The following POLR3F variants were observed in gnomAD, a reference collection of about 807,000 sequenced individuals.
The protein encoded by POLR3F is DNA-directed RNA polymerase III subunit RPC6.
POLR3F carries 31 observed loss-of-function variants against 43.6 expected under a neutral mutation model. The observed-to-expected ratio is 0.71, with a 90% CI of 0.53 to 0.96. POLR3F has a LOEUF of 0.96. POLR3F is among the 40% of genes least tolerant of loss of function. The pLI is 0.00. For missense variants in POLR3F, 316 were observed against 391.7 expected (o/e 0.81, Z 1.63); for synonymous variants, 114 against 132.5 (o/e 0.86, Z 0.96).
At chr20:18,480,548 CT>C (rs1568581762) in intron 7 of POLR3F, 39 bp downstream of exon 7, 1 of 1,167,192 alleles carries the variant, frequency 8.6e-7, no homozygotes, top group South Asian at 1.3e-5. Flanking sequence ...AAAACTTATT[CT>C]TTGTCACATA....
intron 5 of POLR3F, among the ~76,000 whole-genome samples, chr20:18,477,577 G>A (rs1209702448): frequency 6.6e-6 from 1 of 152,142 alleles, no homozygotes; most frequent in Non-Finnish European, 1.5e-5. Flanking sequence ...ATAGGTGAAT[G>A]GATAGACAAA....
At chr20:18,476,219 A>G (rs543848109) in intron 5 of POLR3F, among the ~76,000 whole-genome samples, 104 of 152,294 alleles carry the variant, frequency 6.8e-4, no homozygotes, top group Non-Finnish European at 1.1e-3. Flanking sequence ...GAACATTTTC[A>G]TCACCCCCAA....
At chr20:18,476,389 C>A (rs1467270531) in intron 5 of POLR3F, among the ~76,000 whole-genome samples, 1 of 152,204 alleles carries the variant, frequency 6.6e-6, no homozygotes, top group Non-Finnish European at 1.5e-5. Flanking sequence ...TTTGACTTAG[C>A]ATGATGTTTT....
chr20:18,478,676 G>T (rs1010838630), intron 5 of POLR3F, among the ~76,000 whole-genome samples: 3 of 152,104 alleles, frequency 2.0e-5, no homozygotes, highest in Admixed American at 2.0e-4. Context: ...AATATAGATG[G>T]TTATATTTAG....
chr20:18,468,327 G>T (rs2059716657), intron 1 of POLR3F, among the ~76,000 whole-genome samples: 1 of 152,046 alleles, frequency 6.6e-6, no homozygotes, highest in Non-Finnish European at 1.5e-5. Context: ...CGCCCGCCTC[G>T]GCCTCCCAAA....
chr20:18,470,751 G>T (rs915575736), intron 2 of POLR3F: 2 of 153,290 alleles, frequency 1.3e-5, no homozygotes, highest in African/African-American at 4.8e-5. Flanking sequence ...CACCCACTGC[G>T]AGTCCTATTG....
intron 5 of POLR3F, among the ~76,000 whole-genome samples, chr20:18,477,714 A>G (rs1973149430): frequency 6.6e-6 from 1 of 152,260 alleles, no homozygotes; most frequent in Non-Finnish European, 1.5e-5. Flanking sequence ...TTACAACTAT[A>G]TGACATACTG....
In POLR3F at chr20:18,480,463, C is replaced by T. The variant is rs772935767; in HGVS notation, c.635C>T (p.Ser212Leu). Residue 212 changes from serine (S) to leucine (L), a missense_variant, in exon 7 of 9, where the codon TCA becomes TTA. By Grantham distance (145) the Ser-to-Leu change is moderately radical. This residue lies in a region of POLR3F where 109 missense variants were observed against 177.7 expected (regional missense o/e 0.61). Transcript: ENST00000377603. ...ATACAAAGAAATAGTTCATTTGCCT[C>T]ATCACATGAAGTGTGGAAATATATC... ...PMIQRNSSFA[S>L]SHEVWKYICE... 1.9e-6 allele frequency: 3 copies of T among 1,610,988 alleles called. No homozygotes were observed. Among genetic ancestry groups the T allele is most frequent in the African/African-American group, 1.3e-5 (1 of 74,886 alleles).
intron 2 of POLR3F, chr20:18,470,520 AT>A (rs1430445142): frequency 5.2e-5 from 8 of 154,848 alleles, no homozygotes; most frequent in African/African-American, 1.9e-4. Flanking sequence ...TGTGGAGCAG[AT>A]TGCTCACCCC....
At chr20:18,470,932 A>G (rs2059746521) in intron 2 of POLR3F, among the ~76,000 whole-genome samples, 1 of 152,188 alleles carries the variant, frequency 6.6e-6, no homozygotes. Flanking sequence ...GTTCAGGCTC[A>G]TGGCTTTTAC....
chr20:18,467,531 C>T lies in POLR3F; in HGVS notation c.25C>T (p.Gln9Ter), dbSNP rs2059698809. The change falls in exon 1 of 9, where the codon CAG (glutamine) becomes TAG (stop). Residue 9 changes from glutamine (Q) to a stop codon, truncating the protein, a stop_gained. Coordinates refer to ENST00000377603, the MANE Select transcript of POLR3F (RefSeq NM_006466.4). LOFTEE classifies it high-confidence loss of function. Reference protein sequence around the residue: MAEVKVKVQPPDADPVEIE... With the variant: MAEVKVKV ...CATGGCGGAGGTGAAGGTGAAGGTG[C>T]AGCCGCCTGACGCGGATCCGGTCGA... 14 of 1,614,236 alleles carry T rather than the reference C, an allele frequency of 8.7e-6. No homozygotes were observed. Among genetic ancestry groups the T allele is most frequent in the Non-Finnish European group, 1.2e-5 (14 of 1,180,014 alleles).
rs1326289499 is a variant in POLR3F at position 18,483,736 on chromosome 20, A to T, written c.*178A>T. The T allele has an allele frequency of 2.3e-6, 1 of 430,848 alleles. No individual in the cohort carries two copies. 26.7% of individuals were successfully genotyped at this position (430,848 alleles called of 1,614,324 possible). A position where few individuals can be genotyped will look rare whatever the true frequency, so the allele number is the denominator to read the frequency against. ...TGAAGACTAAATTTATATTGGTAAA[A>T]TAGCCAGTAGAATATGAAAGAAATA... On this transcript the variant is annotated 3_prime_UTR_variant, in exon 9 of 9. Coordinates refer to ENST00000377603, the MANE Select transcript of POLR3F (RefSeq NM_006466.4).
intron 5 of POLR3F, among the ~76,000 whole-genome samples, chr20:18,475,741 C>G (rs191509190): frequency 6.7e-4 from 102 of 152,288 alleles, no homozygotes; most frequent in African/African-American, 2.2e-3. Context: ...CTTCAATACA[C>G]ATTTCATAAG....
intron 2 of POLR3F, among the ~76,000 whole-genome samples, chr20:18,471,051 C>G (rs1161551842): frequency 1.3e-5 from 2 of 152,080 alleles, no homozygotes; most frequent in Non-Finnish European, 2.9e-5. Context: ...GGCCCCTGAT[C>G]TGTCTTAAAT....
At chr20:18,475,637 C>T (rs2059776084) in intron 5 of POLR3F, among the ~76,000 whole-genome samples, 1 of 152,154 alleles carries the variant, frequency 6.6e-6, no homozygotes, top group African/African-American at 2.4e-5. Flanking sequence ...CCTGCCCCAC[C>T]CCTGCTCCAG....
chr20:18,476,272 G>A (rs2059779783), intron 5 of POLR3F, among the ~76,000 whole-genome samples: 1 of 152,044 alleles, frequency 6.6e-6, no homozygotes. Flanking sequence ...CTTTCCATAG[G>A]CCCTAAAAAC....
intron 2 of POLR3F, 61 bp downstream of exon 2, chr20:18,469,122 T>A (rs1229717339): frequency 2.5e-6 from 2 of 806,610 alleles, no homozygotes; most frequent in African/African-American, 3.4e-5. Flanking sequence ...TGGTTTTTAT[T>A]ATGTAGTTGT....
chr20:18,472,604 G>A (rs2059759524), intron 2 of POLR3F, among the ~76,000 whole-genome samples: 1 of 151,402 alleles, frequency 6.6e-6, no homozygotes, highest in Non-Finnish European at 1.5e-5. Flanking sequence ...GATTTATATT[G>A]ATTTTTAATA....
intron 2 of POLR3F, among the ~76,000 whole-genome samples, chr20:18,469,804 C>T (rs371396428): frequency 9.2e-5 from 14 of 152,218 alleles, no homozygotes; most frequent in East Asian, 3.8e-4. Flanking sequence ...AGTCTGTTCT[C>T]ACCTTCTGTT....
Sources: allele counts gnomAD v4.1 joint callset (sites outside exome capture counted in the v4.1 genomes callset), GRCh38; gene constraint gnomAD v4.1.1; regional missense constraint gnomAD v4.1.1; transcripts MANE v1.5; gene names NCBI Gene and HGNC (gene_info 2026-07-23, HGNC 2026-07-21).